NOVA1: variants seen among roughly 807,000 people sequenced by gnomAD.
The protein encoded by NOVA1 is RNA-binding protein Nova-1.
Under a neutral mutation model 38.0 loss-of-function variants are expected in NOVA1, and 7 were observed. That is an observed-to-expected ratio of 0.18 (90% CI 0.10 to 0.35). NOVA1 has a LOEUF of 0.35. NOVA1 is among the 10% of genes least tolerant of loss of function. NOVA1 has a pLI of 1.00. For synonymous variants in NOVA1, 270 were observed against 232.5 expected, an observed-to-expected ratio of 1.16 and a Z score of -1.47; for missense variants, 460 against 616.0, an observed-to-expected ratio of 0.75 and a Z score of 2.68.
At chr14:26,590,886 C>T (rs1455664131) in intron 2 of NOVA1, among the ~76,000 whole-genome samples, 1 of 151,668 alleles carries the variant, frequency 6.6e-6, no homozygotes, top group Non-Finnish European at 1.5e-5. Context: ...GTATATGATT[C>T]ATGAAAACAC....
intron 2 of NOVA1, among the ~76,000 whole-genome samples, chr14:26,560,631 A>G (rs1891763459): frequency 6.6e-6 from 1 of 152,178 alleles, no homozygotes; most frequent in Non-Finnish European, 1.5e-5. Context: ...GAATGTAAGG[A>G]AATCTCATCC....
At chr14:26,546,066 A>G (rs1890771659) in intron 2 of NOVA1, among the ~76,000 whole-genome samples, 2 of 152,158 alleles carry the variant, frequency 1.3e-5, no homozygotes, top group South Asian at 4.1e-4. Flanking sequence ...TAAGAAAAGC[A>G]AAGATATGAG....
At chr14:26,576,106 T>A (rs1892822228) in intron 2 of NOVA1, among the ~76,000 whole-genome samples, 1 of 151,848 alleles carries the variant, frequency 6.6e-6, no homozygotes, top group African/African-American at 2.4e-5. Flanking sequence ...AATTATTGAT[T>A]TAGCACAATA....
intron 4 of NOVA1, among the ~76,000 whole-genome samples, chr14:26,466,743 G>T (rs181732222): frequency 5.9e-5 from 9 of 152,260 alleles, no homozygotes; most frequent in East Asian, 5.8e-4. Context: ...TAATTCATGA[G>T]GACTTGATTA....
intron 2 of NOVA1, among the ~76,000 whole-genome samples, chr14:26,530,068 C>T (rs1228171852): frequency 2.0e-5 from 3 of 152,102 alleles, no homozygotes; most frequent in Non-Finnish European, 2.9e-5. Context: ...TACAAGCACC[C>T]GCCACCACGC....
chr14:26,548,287 A>T (rs1890933877), intron 2 of NOVA1, among the ~76,000 whole-genome samples: 2 of 152,042 alleles, frequency 1.3e-5, no homozygotes, highest in Non-Finnish European at 2.9e-5. Context: ...GTCCCTAGAA[A>T]ATCATTTCTT....
intron 4 of NOVA1, among the ~76,000 whole-genome samples, chr14:26,453,178 ATGTATGTATGTATGT>A (rs1441914822): frequency 0.026 from 1,222 of 47,418 alleles, 44 homozygotes; most frequent in Admixed American, 0.14. Flanking sequence ...GTATGTATGT[ATGTATGTATGTATGT>A]ATGTATGTAT....
chr14:26,445,873 G>A lies in NOVA1; in HGVS notation c.*2086C>T, dbSNP rs912809138. On this transcript the variant is annotated 3_prime_UTR_variant, in exon 5 of 5. Transcript: ENST00000539517. The stretch of plus-strand genomic sequence containing the variant: ...GTGACATGCAAGGAAAAAATGAGAC[G>A]GGAGACAAGTGATGCTACATGATGA... The A allele has an allele frequency of 3.3e-5, 5 of 152,338 alleles. No homozygotes were observed. Among genetic ancestry groups the A allele is most frequent in the Non-Finnish European group, 7.4e-5 (5 of 67,964 alleles). 9.4% of individuals were successfully genotyped at this position (152,338 alleles called of 1,614,324 possible).
At chr14:26,596,658 C>A in intron 1 of NOVA1, 2 of 1,289,058 alleles carry the variant, frequency 1.6e-6, no homozygotes, top group South Asian at 2.5e-5. Context: ...ACTCATCTTC[C>A]AAGGAAGCGC....
intron 2 of NOVA1, chr14:26,588,448 A>G (rs889505553): frequency 6.6e-6 from 1 of 151,432 alleles, no homozygotes; most frequent in African/African-American, 2.4e-5. Flanking sequence ...TTCATTTTTC[A>G]TCTCTTCCTG....
At chr14:26,498,393 T>TA (rs1233732540) in intron 2 of NOVA1, among the ~76,000 whole-genome samples, 3 of 152,096 alleles carry the variant, frequency 2.0e-5, no homozygotes, top group Admixed American at 6.5e-5. Flanking sequence ...CTAAGTAAAT[T>TA]AAAAAACATA....
intron 2 of NOVA1, among the ~76,000 whole-genome samples, chr14:26,509,217 C>A (rs1052349018): frequency 6.6e-6 from 1 of 151,996 alleles, no homozygotes; most frequent in Admixed American, 6.6e-5. Context: ...TGAAATACTA[C>A]ATTAATGTGT....
At position 26,516,816 on chromosome 14, in the gene NOVA1, A is replaced by C. The variant is rs1299772496; in HGVS notation, c.281-36673T>G. 5.9e-5 allele frequency among the ~76,000 whole-genome samples: 9 copies of C among 152,276 alleles called. No homozygotes were observed. In the East Asian group the frequency reaches 1.7e-3, roughly 29 times the overall value. ...GTGGTTGTCTTTAATTATGTGTTAAAGAAATGAAGAAGAATAAAGTCCAAA... is the reference window on the plus strand; with the variant it reads ...GTGGTTGTCTTTAATTATGTGTTAACGAAATGAAGAAGAATAAAGTCCAAA... On this transcript the variant is annotated intron_variant, in intron 2 of 4. Transcript: ENST00000539517.
At chr14:26,549,094 CTGCAG>C (rs1217979552) in intron 2 of NOVA1, among the ~76,000 whole-genome samples, 2 of 152,022 alleles carry the variant, frequency 1.3e-5, no homozygotes, top group Non-Finnish European at 2.9e-5. Context: ...GAGGTTGAGG[CTGCAG>C]TGAGCCATGA....
At chr14:26,492,760 A>T (rs1246298162) in intron 2 of NOVA1, among the ~76,000 whole-genome samples, 2 of 151,706 alleles carry the variant, frequency 1.3e-5, no homozygotes, top group African/African-American at 4.8e-5. Flanking sequence ...TGAAGTCAGG[A>T]GTTCAAGACC....
At chr14:26,520,931 A>C (rs1487944953) in intron 2 of NOVA1, among the ~76,000 whole-genome samples, 2 of 152,024 alleles carry the variant, frequency 1.3e-5, no homozygotes, top group African/African-American at 2.4e-5. Flanking sequence ...ATAATGTACA[A>C]CTCTTAATCC....
chr14:26,596,354 C>T lies in NOVA1; in HGVS notation c.137-801G>A, dbSNP rs569792813. On this transcript the variant is annotated intron_variant, in intron 1 of 4. Coordinates refer to ENST00000539517, the MANE Select transcript of NOVA1 (RefSeq NM_002515.3). ...CCCAAAATAATCACAACTTTTAAAA[C>T]GGAAAGGGGGTGGAAGAACCAGGAA... 5.3e-5 allele frequency among the ~76,000 whole-genome samples: 8 copies of T among 152,022 alleles called. No individual in the cohort carries two copies. In the East Asian group the frequency reaches 1.5e-3, roughly 29 times the overall value.
At chr14:26,581,226 G>T (rs1047937192) in intron 2 of NOVA1, among the ~76,000 whole-genome samples, 9 of 152,142 alleles carry the variant, frequency 5.9e-5, no homozygotes, top group Non-Finnish European at 1.0e-4. Flanking sequence ...GCGTTAAGAA[G>T]TACTGAACTG....
At chr14:26,533,232 C>G (rs1889845555) in intron 2 of NOVA1, among the ~76,000 whole-genome samples, 2 of 152,144 alleles carry the variant, frequency 1.3e-5, no homozygotes, top group African/African-American at 4.8e-5. Flanking sequence ...TGGTCTATTT[C>G]TTTAGCATTT....
Sources: gnomAD v4.1 joint callset for allele counts (sites outside exome capture counted in the v4.1 genomes callset) on GRCh38, gnomAD v4.1.1 for gene constraint, MANE v1.5 for transcripts, NCBI Gene and HGNC (gene_info 2026-07-23, HGNC 2026-07-21) for gene names.